PPP1R2: variants seen among roughly 807,000 people sequenced by gnomAD.
PPP1R2 encodes protein phosphatase inhibitor 2.
In PPP1R2, 16 loss-of-function variants were observed where a neutral mutation model predicts 29.9. The ratio of observed to expected loss-of-function variants is 0.53; its 90% CI spans 0.36 to 0.81. PPP1R2 has a LOEUF of 0.81. PPP1R2 is among the 30% of genes least tolerant of loss of function. The probability of loss-of-function intolerance (pLI) is 0.00; values close to 1 mark genes in which losing one functional copy is unlikely to be tolerated. For synonymous variants in PPP1R2, 76 were observed against 91.5 expected (o/e 0.83, Z 0.96); for missense variants, 197 against 252.7 (o/e 0.78, Z 1.49).
chr3:195,521,866 G>A (rs1031143077), intron 4 of PPP1R2, among the ~76,000 whole-genome samples: 3 of 152,058 alleles, frequency 2.0e-5, no homozygotes, highest in African/African-American at 7.2e-5. Flanking sequence ...GGCCAGGCTG[G>A]TCTCAAACTC....
At chr3:195,525,935 T>C (rs1048400871) in intron 2 of PPP1R2, among the ~76,000 whole-genome samples, 1 of 152,162 alleles carries the variant, frequency 6.6e-6, no homozygotes, top group African/African-American at 2.4e-5. Flanking sequence ...AATAAACATT[T>C]TGTTAATTTA....
At position 195,520,280 on chromosome 3, in the gene PPP1R2, G is replaced by A. The variant is rs970638493; in HGVS notation, c.404-1095C>T. Reference sequence around the variant, plus strand: ...CTGCCTTGGCCTCCAAAAGTGCTGGGATTACAGGCATGAGCCACTGCGCCT... The same window carrying A: ...CTGCCTTGGCCTCCAAAAGTGCTGGAATTACAGGCATGAGCCACTGCGCCT... On this transcript the variant is annotated intron_variant, in intron 4 of 5. Coordinates refer to ENST00000618156, the MANE Select transcript of PPP1R2 (RefSeq NM_006241.8). Among the ~76,000 whole-genome samples the A allele has an allele frequency of 3.9e-5, 6 of 152,082 alleles. No individual in the cohort carries two copies. The East Asian group carries it at 9.7e-4, about 24-fold the overall frequency.
In PPP1R2 at chr3:195,516,914, G is replaced by C; in HGVS notation, c.600C>G (p.Asn200Lys). The change falls in exon 6 of 6, where the codon AAC becomes AAG. Residue 200 changes from asparagine (N) to lysine (K), a missense_variant. Asn to Lys is a moderately conservative substitution (Grantham distance 94). Transcript: ENST00000618156. The part of the protein sequence containing the change: ...QGSTPSDQQQ[N>K]KLRSS ...ATCTCGTCTATGAACTTCGTAATTT[G>C]TTTTGCTGTTGGTCACTTGGAGTAG... 1 of 1,612,782 alleles carries C rather than the reference G, an allele frequency of 6.2e-7. No individual in the cohort carries two copies. Among genetic ancestry groups the C allele is most frequent in the Non-Finnish European group, 8.5e-7 (1 of 1,179,014 alleles).
chr3:195,517,717 A>G (rs950958623), intron 5 of PPP1R2, among the ~76,000 whole-genome samples: 3 of 152,192 alleles, frequency 2.0e-5, no homozygotes, highest in Non-Finnish European at 4.4e-5. Context: ...CGCTGCCTCT[A>G]TAACAAAAAA....
intron 4 of PPP1R2, among the ~76,000 whole-genome samples, chr3:195,521,719 C>T (rs532026104): frequency 1.8e-4 from 27 of 152,160 alleles, no homozygotes; most frequent in South Asian, 1.0e-3. Context: ...GGCATGATAC[C>T]GGCTCACTGC....
At chr3:195,537,578 C>T (rs1420360086) in intron 1 of PPP1R2, among the ~76,000 whole-genome samples, 1 of 147,536 alleles carries the variant, frequency 6.8e-6, no homozygotes, top group African/African-American at 2.5e-5. Context: ...TGCCTAATTT[C>T]CTCATGTGAA....
intron 1 of PPP1R2, among the ~76,000 whole-genome samples, chr3:195,531,657 T>C (rs1029333786): frequency 1.3e-5 from 2 of 152,246 alleles, no homozygotes; most frequent in Non-Finnish European, 2.9e-5. Context: ...TTCACCATTT[T>C]AACCTTTTTG....
chr3:195,532,215 C>CTTT lies in PPP1R2; in HGVS notation c.123-2317_123-2315dup, dbSNP rs146508182. Among the ~76,000 whole-genome samples the CTTT allele has an allele frequency of 5.0e-3, 603 of 120,160 alleles. 4 individuals carry two copies. Among genetic ancestry groups the CTTT allele is most frequent in the Non-Finnish European group, 7.3e-3 (439 of 60,058 alleles). 78.8% of individuals were successfully genotyped at this position (120,160 alleles called of 152,430 possible). The stretch of plus-strand genomic sequence containing the variant: ...CCAGCTAATTTTTCTTTTTCTTTTT[C>CTTT]TTTTTTTTTTTTTTTTTTTACAGGT... On this transcript the variant is annotated intron_variant, in intron 1 of 5. Coordinates refer to ENST00000618156, the MANE Select transcript of PPP1R2 (RefSeq NM_006241.8).
At chr3:195,537,084 T>G (rs1240787323) in intron 1 of PPP1R2, among the ~76,000 whole-genome samples, 1 of 151,946 alleles carries the variant, frequency 6.6e-6, no homozygotes, top group African/African-American at 2.4e-5. Flanking sequence ...ATAATACATA[T>G]AAATATGTAT....
chr3:195,528,279 C>T (rs1428011965), intron 2 of PPP1R2, among the ~76,000 whole-genome samples: 2 of 152,168 alleles, frequency 1.3e-5, no homozygotes, highest in Non-Finnish European at 2.9e-5. Flanking sequence ...TGGTCTCCAA[C>T]TCCATCCAGG....
intron 4 of PPP1R2, chr3:195,519,763 C>T (rs1269178757): frequency 2.0e-5 from 3 of 151,762 alleles, no homozygotes; most frequent in Admixed American, 2.0e-4. Flanking sequence ...TTAAGAAAAA[C>T]GTATTATAAA....
At chr3:195,541,230 C>A (rs958394478) in intron 1 of PPP1R2, among the ~76,000 whole-genome samples, 2 of 152,046 alleles carry the variant, frequency 1.3e-5, no homozygotes, top group Non-Finnish European at 2.9e-5. Flanking sequence ...AGATTGGGCC[C>A]ACGGGAAATT....
intron 1 of PPP1R2, among the ~76,000 whole-genome samples, chr3:195,532,837 A>G (rs1013284831): frequency 6.6e-6 from 1 of 152,236 alleles, no homozygotes; most frequent in Admixed American, 6.5e-5. Flanking sequence ...TTATACATAG[A>G]GAATAGTCTA....
intron 1 of PPP1R2, among the ~76,000 whole-genome samples, chr3:195,537,601 C>A (rs1197501891): frequency 1.3e-5 from 2 of 151,182 alleles, no homozygotes; most frequent in Non-Finnish European, 2.9e-5. Flanking sequence ...ATGTTTACAT[C>A]CTTTGCCTAT....
At chr3:195,541,455 CTTTT>C (rs553981950) in intron 1 of PPP1R2, among the ~76,000 whole-genome samples, 3 of 99,290 alleles carry the variant, frequency 3.0e-5, no homozygotes, top group South Asian at 3.6e-4. Flanking sequence ...CTTTTCTTTC[CTTTT>C]TTTTTTTTTT....
At chr3:195,535,820 A>G (rs976917920) in intron 1 of PPP1R2, among the ~76,000 whole-genome samples, 16 of 152,216 alleles carry the variant, frequency 1.1e-4, no homozygotes, top group African/African-American at 3.9e-4. Context: ...TTAGTACCAC[A>G]TAGAAGCATC....
Position 195,516,824 on chromosome 3 carries a change from G to A in PPP1R2, c.*72C>T. 7.4e-7 allele frequency: 1 copy of A among 1,343,538 alleles called. No homozygotes were observed. Among genetic ancestry groups the A allele is most frequent in the South Asian group, 1.2e-5 (1 of 83,632 alleles). 83.2% of individuals were successfully genotyped at this position (1,343,538 alleles called of 1,614,324 possible). A position where few individuals can be genotyped will look rare whatever the true frequency, so the allele number is the denominator to read the frequency against. On this transcript the variant is annotated 3_prime_UTR_variant, in exon 6 of 6. Transcript: ENST00000618156. Reference sequence around the variant, plus strand: ...TGGTACTTAAGTCATGAATTGTGAAGAACAAGAAGCAACGTACTATAGTCA... The same window carrying A: ...TGGTACTTAAGTCATGAATTGTGAAAAACAAGAAGCAACGTACTATAGTCA...
intron 5 of PPP1R2, among the ~76,000 whole-genome samples, chr3:195,518,112 T>C (rs989217234): frequency 6.6e-6 from 1 of 152,138 alleles, no homozygotes; most frequent in Non-Finnish European, 1.5e-5. Context: ...AAATCTCCAT[T>C]AGTGATGCAG....
intron 1 of PPP1R2, among the ~76,000 whole-genome samples, chr3:195,534,109 GT>G (rs1719285266): frequency 1.3e-5 from 2 of 152,128 alleles, no homozygotes; most frequent in Non-Finnish European, 2.9e-5. Flanking sequence ...GAGCCCAGGA[GT>G]TTGAGAACAG....
Sources: gnomAD v4.1 joint callset for allele counts (sites outside exome capture counted in the v4.1 genomes callset) on GRCh38, gnomAD v4.1.1 for gene constraint, MANE v1.5 for transcripts, NCBI Gene and HGNC (gene_info 2026-07-23, HGNC 2026-07-21) for gene names.